Variants in GLG1 observed in about 807,000 individuals in gnomAD.
The protein encoded by GLG1 is Golgi apparatus protein 1.
Under a neutral mutation model 160.5 loss-of-function variants are expected in GLG1, and 38 were observed. The ratio of observed to expected loss-of-function variants is 0.24; its 90% CI spans 0.18 to 0.31. The LOEUF is 0.31. Among genes scored for constraint, GLG1 ranks in the 10% least tolerant of loss-of-function variants. The pLI, the probability that GLG1 is intolerant of heterozygous loss-of-function variation, is 1.00. For missense variants in GLG1, 1,373 were observed against 1,505.2 expected (o/e 0.91, Z 1.45); for synonymous variants, 644 against 543.4 (o/e 1.19, Z -2.57).
At chr16:74,555,070 G>A (rs528384255) in intron 1 of GLG1, among the ~76,000 whole-genome samples, 5 of 152,108 alleles carry the variant, frequency 3.3e-5, no homozygotes, top group Admixed American at 3.3e-4. Context: ...AAGACTTTGT[G>A]ATAAAACGGG....
intron 1 of GLG1, among the ~76,000 whole-genome samples, chr16:74,532,818 T>C (rs1180651569): frequency 6.6e-6 from 1 of 152,172 alleles, no homozygotes; most frequent in Non-Finnish European, 1.5e-5. Context: ...TGAATTACCG[T>C]TCCCAGCCCC....
At chr16:74,504,395 C>G (rs2016523179) in intron 3 of GLG1, among the ~76,000 whole-genome samples, 2 of 152,154 alleles carry the variant, frequency 1.3e-5, no homozygotes, top group Non-Finnish European at 2.9e-5. Context: ...TCAAGTGATT[C>G]TCCTGCCTCA....
At chr16:74,598,307 G>GTCAAGAGA (rs1261686835) in intron 1 of GLG1, among the ~76,000 whole-genome samples, 3 of 148,936 alleles carry the variant, frequency 2.0e-5, no homozygotes, top group Non-Finnish European at 4.5e-5. Flanking sequence ...GGATCACGAG[G>GTCAAGAGA]TCAAGAGATC....
chr16:74,572,127 C>A (rs2018844902), intron 1 of GLG1, among the ~76,000 whole-genome samples: 1 of 152,100 alleles, frequency 6.6e-6, no homozygotes, highest in Admixed American at 6.5e-5. Flanking sequence ...GACTTTCAGG[C>A]CCACCCCCAA....
intron 1 of GLG1, among the ~76,000 whole-genome samples, chr16:74,600,137 G>T (rs549339660): frequency 2.6e-5 from 4 of 152,284 alleles, no homozygotes; most frequent in African/African-American, 9.6e-5. Flanking sequence ...ATTTCAGGTG[G>T]TATGTGTTGG....
intron 1 of GLG1, among the ~76,000 whole-genome samples, chr16:74,559,956 C>T (rs935703523): frequency 3.9e-5 from 6 of 152,176 alleles, no homozygotes; most frequent in African/African-American, 1.4e-4. Context: ...TCATTTTCCC[C>T]TATTGTTAAT....
At chr16:74,506,978 G>C (rs2016635646) in intron 3 of GLG1, among the ~76,000 whole-genome samples, 1 of 152,156 alleles carries the variant, frequency 6.6e-6, no homozygotes, top group Non-Finnish European at 1.5e-5. Flanking sequence ...AAGGAAAGCA[G>C]GCAGGATTTA....
intron 1 of GLG1, among the ~76,000 whole-genome samples, chr16:74,589,206 G>T (rs1232393650): frequency 6.6e-6 from 1 of 150,794 alleles, no homozygotes; most frequent in Non-Finnish European, 1.5e-5. Flanking sequence ...AGTGAGCCAA[G>T]ATTGCGCCAC....
intron 2 of GLG1, among the ~76,000 whole-genome samples, chr16:74,527,855 T>C (rs1420074086): frequency 6.6e-6 from 1 of 150,728 alleles, no homozygotes; most frequent in South Asian, 2.1e-4. Context: ...GCCTCCCAAG[T>C]AGATGGGATT....
intron 9 of GLG1, among the ~76,000 whole-genome samples, chr16:74,485,477 CTGAG>C (rs1449272265): frequency 1.3e-5 from 2 of 152,154 alleles, no homozygotes; most frequent in African/African-American, 2.4e-5. Context: ...ACCACCTATC[CTGAG>C]TGTTTCTCTC....
chr16:74,598,314 G>C (rs1209792796), intron 1 of GLG1, among the ~76,000 whole-genome samples: 1 of 151,676 alleles, frequency 6.6e-6, no homozygotes, highest in Non-Finnish European at 1.5e-5. Context: ...GAGGTCAAGA[G>C]ATCAAGACCA....
At chr16:74,576,161 C>T (rs932724272) in intron 1 of GLG1, among the ~76,000 whole-genome samples, 5 of 151,812 alleles carry the variant, frequency 3.3e-5, no homozygotes, top group Non-Finnish European at 5.9e-5. Context: ...AGCACCACTG[C>T]ACTCCAGTCT....
chr16:74,553,971 T>C (rs1344504205), intron 1 of GLG1, among the ~76,000 whole-genome samples: 1 of 152,184 alleles, frequency 6.6e-6, no homozygotes, highest in Non-Finnish European at 1.5e-5. Flanking sequence ...AAAATACAAT[T>C]TGTCAATCTA....
At chr16:74,540,072 TATATATA>T (rs1382848594) in intron 1 of GLG1, among the ~76,000 whole-genome samples, 7 of 622 alleles carry the variant, frequency 0.011, 3 homozygotes, top group Non-Finnish European at 0.065. Context: ...ATATATATAT[TATATATA>T]TTTTATATAT....
At chr16:74,493,870 TC>T (rs1381834884) in intron 6 of GLG1, among the ~76,000 whole-genome samples, 1 of 151,894 alleles carries the variant, frequency 6.6e-6, no homozygotes, top group Non-Finnish European at 1.5e-5. Context: ...CTGATTTTAC[TC>T]CCCAAACAAA....
At chr16:74,515,788 T>C (rs1028408053) in intron 2 of GLG1, among the ~76,000 whole-genome samples, 2 of 151,662 alleles carry the variant, frequency 1.3e-5, no homozygotes, top group African/African-American at 4.9e-5. Flanking sequence ...ATCAGTGTGC[T>C]GTATTCAGGA....
At chr16:74,555,899 G>A (rs565159321) in intron 1 of GLG1, among the ~76,000 whole-genome samples, 5 of 151,482 alleles carry the variant, frequency 3.3e-5, no homozygotes, top group African/African-American at 9.7e-5. Context: ...AAGTGTAGTG[G>A]CACGATCATG....
At chr16:74,601,146 A>G (rs1958429872) in intron 1 of GLG1, among the ~76,000 whole-genome samples, 1 of 152,026 alleles carries the variant, frequency 6.6e-6, no homozygotes, top group South Asian at 2.1e-4. Context: ...TGAATTATTC[A>G]TTGTCACTGA....
intron 6 of GLG1, among the ~76,000 whole-genome samples, chr16:74,493,817 G>C (rs1442110293): frequency 6.6e-6 from 1 of 152,156 alleles, no homozygotes; most frequent in Admixed American, 6.5e-5. Context: ...TAAACTTCTT[G>C]AGGAGGCAGG....
Sources: allele counts gnomAD v4.1 joint callset (sites outside exome capture counted in the v4.1 genomes callset), GRCh38; gene constraint gnomAD v4.1.1; transcripts MANE v1.5; gene names NCBI Gene and HGNC (gene_info 2026-07-23, HGNC 2026-07-21).